The following ACTR3C variants were observed in gnomAD, a reference collection of about 807,000 sequenced individuals.
The protein encoded by ACTR3C is actin-related protein 3C.
ACTR3C carries 18 observed loss-of-function variants against 26.3 expected under a neutral mutation model. That is an observed-to-expected ratio of 0.68 (90% CI 0.47 to 1.01). ACTR3C has a LOEUF of 1.01. Among genes scored for constraint, ACTR3C ranks in the 50% least tolerant of loss-of-function variants. The pLI is 0.00. For synonymous variants in ACTR3C, 55 were observed against 94.5 expected, an observed-to-expected ratio of 0.58 and a Z score of 2.42; for missense variants, 184 against 250.7, an observed-to-expected ratio of 0.73 and a Z score of 1.80.
chr7:149,892,516 G>A, the ACTR3C span: 1 of 683,878 alleles, frequency 1.5e-6, no homozygotes, highest in South Asian at 3.8e-5. Flanking sequence ...GGCTCCATGT[G>A]GGGTGAAGGG....
At chr7:150,154,029 C>T in the ACTR3C span, among the ~76,000 whole-genome samples, 198 of 140,442 alleles carry the variant, frequency 1.4e-3, 1 homozygote, top group African/African-American at 4.9e-3. Flanking sequence ...ACAATGAGAA[C>T]GCATGGACAC....
At chr7:149,946,523 C>T in the ACTR3C span, among the ~76,000 whole-genome samples, 1 of 152,138 alleles carries the variant, frequency 6.6e-6, no homozygotes, top group African/African-American at 2.4e-5. Context: ...CAGGCGAGTC[C>T]CCCTGTTCTC....
At chr7:150,048,792 A>T in the ACTR3C span, among the ~76,000 whole-genome samples, 1 of 152,088 alleles carries the variant, frequency 6.6e-6, no homozygotes, top group Non-Finnish European at 1.5e-5. Flanking sequence ...TGGTCGGACG[A>T]CGCTGGTGAG....
At chr7:150,138,429 G>T in the ACTR3C span, among the ~76,000 whole-genome samples, 1 of 152,170 alleles carries the variant, frequency 6.6e-6, no homozygotes. Context: ...TAGGCCATTG[G>T]AGCACAAAGA....
At chr7:149,924,752 T>C in the ACTR3C span, among the ~76,000 whole-genome samples, 454 of 151,150 alleles carry the variant, frequency 3.0e-3, 1 homozygote, top group African/African-American at 9.9e-3. Flanking sequence ...CAACCTCCCA[T>C]GTAGCTGGGA....
At chr7:150,016,759 G>A in the ACTR3C span, among the ~76,000 whole-genome samples, 1 of 152,088 alleles carries the variant, frequency 6.6e-6, no homozygotes, top group Non-Finnish European at 1.5e-5. Flanking sequence ...ATAGGGAAAA[G>A]CATATGTGCT....
At chr7:150,158,012 A>G in the ACTR3C span, among the ~76,000 whole-genome samples, 1 of 152,202 alleles carries the variant, frequency 6.6e-6, no homozygotes, top group Non-Finnish European at 1.5e-5. Context: ...AAATAACCCA[A>G]GTAAAACAAT....
the ACTR3C span, among the ~76,000 whole-genome samples, chr7:149,988,721 C>T: frequency 2.0e-5 from 3 of 152,298 alleles, no homozygotes; most frequent in African/African-American, 4.8e-5. Context: ...AGAGTTAATG[C>T]ATCATCCTTT....
At chr7:150,094,984 C>G in the ACTR3C span, among the ~76,000 whole-genome samples, 1 of 143,874 alleles carries the variant, frequency 7.0e-6, no homozygotes, top group Admixed American at 6.9e-5. Flanking sequence ...CCAGCCCCCA[C>G]CAGCAACCAT....
At chr7:149,963,960 T>C in the ACTR3C span, among the ~76,000 whole-genome samples, 1 of 152,070 alleles carries the variant, frequency 6.6e-6, no homozygotes, top group East Asian at 1.9e-4. Context: ...ATAAACAATA[T>C]AGTGCAGAAC....
chr7:150,092,293 G>A, the ACTR3C span, among the ~76,000 whole-genome samples: 2 of 147,638 alleles, frequency 1.4e-5, no homozygotes, highest in Non-Finnish European at 3.0e-5. Context: ...GAAATATCTT[G>A]TAGTGGAAAA....
chr7:150,003,517 T>C, the ACTR3C span, among the ~76,000 whole-genome samples: 10 of 152,254 alleles, frequency 6.6e-5, no homozygotes, highest in African/African-American at 2.2e-4. Flanking sequence ...TGCGGTGTGG[T>C]ATGTGATGTG....
At chr7:150,065,443 A>G in the ACTR3C span, among the ~76,000 whole-genome samples, 1 of 152,244 alleles carries the variant, frequency 6.6e-6, no homozygotes, top group South Asian at 2.1e-4. Context: ...ATAGTTCTTT[A>G]TGAACGGAGC....
intron 6 of ACTR3C, among the ~76,000 whole-genome samples, chr7:150,276,779 C>A (rs1041175685): frequency 1.3e-5 from 2 of 152,230 alleles, no homozygotes; most frequent in Admixed American, 6.5e-5. Flanking sequence ...CCAAGGGCTA[C>A]CTCTTGACCC....
chr7:150,193,989 C>G, the ACTR3C span, among the ~76,000 whole-genome samples: 3 of 139,276 alleles, frequency 2.2e-5, no homozygotes, highest in South Asian at 2.2e-4. Flanking sequence ...CATACACACA[C>G]AGACACACAC....
the ACTR3C span, among the ~76,000 whole-genome samples, chr7:149,918,684 C>T: frequency 9.9e-5 from 15 of 152,052 alleles, no homozygotes; most frequent in African/African-American, 3.6e-4. Flanking sequence ...GAGCAAAACT[C>T]CATCTCAAAA....
At chr7:149,926,456 C>T in the ACTR3C span, among the ~76,000 whole-genome samples, 1 of 152,180 alleles carries the variant, frequency 6.6e-6, no homozygotes, top group Non-Finnish European at 1.5e-5. Flanking sequence ...CCTTGCTTTC[C>T]TTCTGGGACT....
At chr7:149,942,906 TTA>T in the ACTR3C span, among the ~76,000 whole-genome samples, 1 of 151,634 alleles carries the variant, frequency 6.6e-6, no homozygotes, top group African/African-American at 2.4e-5. Context: ...GAAGGAACAA[TTA>T]TGTTTCACAT....
the ACTR3C span, among the ~76,000 whole-genome samples, chr7:150,197,725 A>G: frequency 1.3e-5 from 2 of 152,076 alleles, no homozygotes; most frequent in Non-Finnish European, 2.9e-5. Flanking sequence ...GGATGATTAC[A>G]TTTTCCTCCA....
Sources: allele counts gnomAD v4.1 joint callset (sites outside exome capture counted in the v4.1 genomes callset), GRCh38; gene constraint gnomAD v4.1.1; transcripts MANE v1.5; gene names NCBI Gene and HGNC (gene_info 2026-07-23, HGNC 2026-07-21).